PDE8B: variants seen among roughly 807,000 people sequenced by gnomAD.
PDE8B encodes the protein high affinity cAMP-specific and IBMX-insensitive 3',5'-cyclic phosphodiesterase 8B.
Under a neutral mutation model 101.3 loss-of-function variants are expected in PDE8B, and 26 were observed. The ratio of observed to expected loss-of-function variants is 0.26; its 90% CI spans 0.19 to 0.36. PDE8B has a LOEUF of 0.36. PDE8B is among the 10% of genes least tolerant of loss of function. PDE8B has a pLI of 1.00. For synonymous variants in PDE8B, 424 were observed against 429.3 expected (o/e 0.99, Z 0.15); for missense variants, 810 against 1,163.1 (o/e 0.70, Z 4.42).
At chr5:77,101,188 C>G in the PDE8B span, among the ~76,000 whole-genome samples, 1 of 149,670 alleles carries the variant, frequency 6.7e-6, no homozygotes, top group African/African-American at 2.5e-5. Flanking sequence ...CCAGGCTGGT[C>G]TTGAACTCCT....
At chr5:77,212,052 A>G (rs1397293912) in intron 1 of PDE8B, among the ~76,000 whole-genome samples, 1 of 152,246 alleles carries the variant, frequency 6.6e-6, no homozygotes, top group African/African-American at 2.4e-5. Context: ...TGGTTAAAGC[A>G]GTCGCTAAAT....
intron 2 of PDE8B, among the ~76,000 whole-genome samples, chr5:77,320,348 G>A (rs1027395070): frequency 1.3e-5 from 2 of 152,322 alleles, no homozygotes; most frequent in Middle Eastern, 3.4e-3. Flanking sequence ...CAGAACACAA[G>A]TTGGCTGAGC....
At chr5:77,196,267 C>T in the PDE8B span, among the ~76,000 whole-genome samples, 17 of 152,210 alleles carry the variant, frequency 1.1e-4, no homozygotes, top group Middle Eastern at 0.017. Flanking sequence ...TGTACAAAAA[C>T]TTTTTAATTT....
At chr5:77,415,351 A>ATTTT (rs71606293) in intron 17 of PDE8B, among the ~76,000 whole-genome samples, 164 of 88,710 alleles carry the variant, frequency 1.8e-3, no homozygotes, top group Non-Finnish European at 2.8e-3. Flanking sequence ...ATAAGCTAAA[A>ATTTT]TTTTTTTTTT....
chr5:77,217,281 C>A (rs993899628), intron 1 of PDE8B, among the ~76,000 whole-genome samples: 3 of 151,886 alleles, frequency 2.0e-5, no homozygotes, highest in African/African-American at 7.3e-5. Flanking sequence ...ACTCAGGACC[C>A]TGTCTTATCA....
the PDE8B span, chr5:77,087,661 T>C: frequency 6.6e-6 from 1 of 152,216 alleles, no homozygotes; most frequent in African/African-American, 2.4e-5. Flanking sequence ...AAAGGTCCAT[T>C]TCTCAAGCGA....
At chr5:77,194,129 T>C in the PDE8B span, among the ~76,000 whole-genome samples, 5 of 152,226 alleles carry the variant, frequency 3.3e-5, no homozygotes, top group Non-Finnish European at 7.3e-5. Context: ...TACTTCTTTT[T>C]CTTGCTTTAT....
the PDE8B span, among the ~76,000 whole-genome samples, chr5:77,172,102 A>C: frequency 1.3e-5 from 2 of 152,236 alleles, no homozygotes; most frequent in Non-Finnish European, 2.9e-5. Flanking sequence ...TAAAAAAAGA[A>C]AGGGAGTCGA....
At chr5:77,140,837 C>T in the PDE8B span, 1 of 152,140 alleles carries the variant, frequency 6.6e-6, no homozygotes, top group Non-Finnish European at 1.5e-5. Context: ...ATGTGTTTGC[C>T]ATACAGGCTG....
chr5:77,240,758 TAAAG>T (rs561035584), intron 1 of PDE8B, among the ~76,000 whole-genome samples: 53 of 152,168 alleles, frequency 3.5e-4, no homozygotes, highest in Non-Finnish European at 6.3e-4. Flanking sequence ...TGAAAGGAAA[TAAAG>T]AAAGAAAAAT....
rs559873402 is a variant in PDE8B, at chr5:77,227,463, G to A, written c.339+16199G>A. ...AGAAAAGACTAATTCATGAAGTTTGGGTGGGGCAGGAGAAGAAAGACTGGC... is the reference window on the plus strand; with the variant it reads ...AGAAAAGACTAATTCATGAAGTTTGAGTGGGGCAGGAGAAGAAAGACTGGC... On this transcript the variant is annotated intron_variant, in intron 1 of 21. Transcript: ENST00000264917. Among the ~76,000 whole-genome samples, 4 of 152,142 alleles carry A rather than the reference G, an allele frequency of 2.6e-5. No homozygotes were observed. In the South Asian group the frequency reaches 8.3e-4, roughly 32 times the overall value.
At chr5:77,202,834 A>C in the PDE8B span, among the ~76,000 whole-genome samples, 1 of 152,206 alleles carries the variant, frequency 6.6e-6, no homozygotes, top group East Asian at 1.9e-4. Flanking sequence ...AAGTGGCCTC[A>C]AGTGATCCGC....
chr5:77,175,324 A>C, the PDE8B span, among the ~76,000 whole-genome samples: 9 of 151,986 alleles, frequency 5.9e-5, no homozygotes, highest in Non-Finnish European at 1.3e-4. Context: ...CTCTGCTTAA[A>C]ATTCTCCCAA....
In PDE8B at chr5:77,423,630, TAG is replaced by T. The variant is rs531830574; in HGVS notation, c.2418+1643_2418+1644del. Among the ~76,000 whole-genome samples the T allele has an allele frequency of 2.2e-3, 189 of 85,032 alleles. 1 individual carries two copies. Among genetic ancestry groups the T allele is most frequent in the African/African-American group, 3.7e-3 (91 of 24,364 alleles). 55.8% of individuals were successfully genotyped at this position (85,032 alleles called of 152,430 possible). A position where few individuals can be genotyped will look rare whatever the true frequency, so the allele number is the denominator to read the frequency against. ...AGTGATGCTGGACTTTTGTTTTGTT[TAG>T]TTTTTTTTTTTTTTTTTTTTTTTTT... On this transcript the variant is annotated intron_variant, in intron 20 of 21. Coordinates refer to ENST00000264917, the MANE Select transcript of PDE8B (RefSeq NM_003719.5).
At chr5:77,342,079 A>G (rs774079568) in intron 6 of PDE8B, among the ~76,000 whole-genome samples, 1 of 152,162 alleles carries the variant, frequency 6.6e-6, no homozygotes, top group Non-Finnish European at 1.5e-5. Flanking sequence ...ATACCTCACT[A>G]TTATTGAATA....
chr5:77,121,864 C>A, the PDE8B span, among the ~76,000 whole-genome samples: 1 of 152,210 alleles, frequency 6.6e-6, no homozygotes, highest in Admixed American at 6.5e-5. Flanking sequence ...TTGGAAACCA[C>A]AACAGATTTC....
the PDE8B span, among the ~76,000 whole-genome samples, chr5:77,130,322 A>G: frequency 6.6e-6 from 1 of 152,182 alleles, no homozygotes; most frequent in Non-Finnish European, 1.5e-5. Flanking sequence ...TTATAAGGTT[A>G]GATTAGAAAC....
intron 1 of PDE8B, among the ~76,000 whole-genome samples, chr5:77,217,421 G>A (rs1412723109): frequency 6.6e-6 from 1 of 151,830 alleles, no homozygotes; most frequent in Non-Finnish European, 1.5e-5. Flanking sequence ...TAAAGAATGT[G>A]TACATTTAGA....
the PDE8B span, among the ~76,000 whole-genome samples, chr5:77,175,639 C>T: frequency 1.1e-4 from 16 of 152,324 alleles, no homozygotes; most frequent in Non-Finnish European, 1.9e-4. Context: ...CTCTCTTCCT[C>T]CACTAGAATG....
Sources: allele counts gnomAD v4.1 joint callset (sites outside exome capture counted in the v4.1 genomes callset), GRCh38; gene constraint gnomAD v4.1.1; transcripts MANE v1.5; gene names NCBI Gene and HGNC (gene_info 2026-07-23, HGNC 2026-07-21).